Variants in NRXN1 observed in about 807,000 individuals in gnomAD.
NRXN1 encodes neurexin 1, also known as neurexin-1.
NRXN1 carries 39 observed loss-of-function variants against 150.9 expected under a neutral mutation model. The observed-to-expected ratio is 0.26, with a 90% CI of 0.20 to 0.34. NRXN1 has a LOEUF of 0.34. Among genes scored for constraint, NRXN1 ranks in the 10% least tolerant of loss-of-function variants. The pLI is 1.00. For synonymous variants in NRXN1, 924 were observed against 757.0 expected (o/e 1.22, Z -3.62); for missense variants, 1,815 against 1,949.9 (o/e 0.93, Z 1.30).
chr2:50,933,926 C>G (rs17041116), intron 2 of NRXN1, among the ~76,000 whole-genome samples: 2,757 of 152,216 alleles, frequency 0.018, 89 homozygotes, highest in African/African-American at 0.064. Context: ...AGACGGTATA[C>G]TTAATTACTT....
intron 5 of NRXN1, among the ~76,000 whole-genome samples, chr2:50,722,696 G>C (rs921060435): frequency 1.3e-5 from 2 of 151,972 alleles, no homozygotes; most frequent in Non-Finnish European, 2.9e-5. Flanking sequence ...TTTGTAATTA[G>C]AAAAACATTC....
At chr2:50,128,713 G>A (rs1704984748) in intron 18 of NRXN1, among the ~76,000 whole-genome samples, 1 of 152,108 alleles carries the variant, frequency 6.6e-6, no homozygotes, top group Non-Finnish European at 1.5e-5. Flanking sequence ...GGGATGCGGT[G>A]GCTCAAGCCT....
intron 5 of NRXN1, chr2:50,631,308 G>A (rs2104400812): frequency 3.4e-6 from 1 of 293,648 alleles, no homozygotes; most frequent in East Asian, 1.4e-4. Flanking sequence ...GAAATAAATT[G>A]CCAAGCTTCT....
intron 21 of NRXN1, among the ~76,000 whole-genome samples, chr2:49,963,204 T>C (rs1490971121): frequency 6.6e-6 from 1 of 152,166 alleles, no homozygotes; most frequent in East Asian, 1.9e-4. Flanking sequence ...CCTTTTAACG[T>C]CACAGAATTC....
chr2:51,015,632 G>A (rs1668547529), intron 2 of NRXN1, among the ~76,000 whole-genome samples: 1 of 151,442 alleles, frequency 6.6e-6, no homozygotes, highest in Non-Finnish European at 1.5e-5. Flanking sequence ...TAGAGTCATA[G>A]AATAACAATG....
chr2:50,597,216 CT>C (rs1249826522), intron 8 of NRXN1, among the ~76,000 whole-genome samples: 1 of 152,050 alleles, frequency 6.6e-6, no homozygotes, highest in East Asian at 1.9e-4. Context: ...CTGTCTTAGG[CT>C]TTAGTTGGGT....
chr2:50,951,706 T>C (rs2104590265), intron 2 of NRXN1, among the ~76,000 whole-genome samples: 1 of 152,154 alleles, frequency 6.6e-6, no homozygotes, highest in East Asian at 1.9e-4. Context: ...TTCTTTTAGG[T>C]AAAAGCAGCT....
intron 17 of NRXN1, among the ~76,000 whole-genome samples, chr2:50,427,583 A>G (rs554646586): frequency 6.6e-6 from 1 of 152,310 alleles, no homozygotes; most frequent in East Asian, 1.9e-4. Context: ...TGTGACTGCT[A>G]TCTTCCTCTT....
intron 17 of NRXN1, among the ~76,000 whole-genome samples, chr2:50,326,420 A>G (rs1211442812): frequency 6.6e-6 from 1 of 152,250 alleles, no homozygotes. Flanking sequence ...AAAAGTAGAA[A>G]GTACTTTTTC....
chr2:50,757,654 C>T (rs914579089), intron 5 of NRXN1, among the ~76,000 whole-genome samples: 4 of 151,674 alleles, frequency 2.6e-5, no homozygotes, highest in African/African-American at 9.7e-5. Context: ...AATAGTAACA[C>T]TGAATTTAGA....
chr2:49,947,715 C>T, intron 21 of NRXN1, among the ~76,000 whole-genome samples: 1 of 151,544 alleles, frequency 6.6e-6, no homozygotes, highest in East Asian at 1.9e-4. Flanking sequence ...ATGATCTAAC[C>T]TGAAATGTTA....
intron 15 of NRXN1, among the ~76,000 whole-genome samples, chr2:50,478,525 C>A (rs1002798601): frequency 6.6e-6 from 1 of 152,138 alleles, no homozygotes. Flanking sequence ...AAACTCTCCG[C>A]TGAAGAGATG....
chr2:50,870,175 A>G (rs1408592484), intron 5 of NRXN1, among the ~76,000 whole-genome samples: 1 of 151,904 alleles, frequency 6.6e-6, no homozygotes, highest in African/African-American at 2.4e-5. Flanking sequence ...ATAAAAATAC[A>G]TTACTCTCCA....
At chr2:50,305,106 C>T (rs1017114787) in intron 17 of NRXN1, among the ~76,000 whole-genome samples, 5 of 151,548 alleles carry the variant, frequency 3.3e-5, no homozygotes, top group African/African-American at 9.7e-5. Flanking sequence ...TGGGATGGGG[C>T]GGAAAAGGTA....
intron 18 of NRXN1, among the ~76,000 whole-genome samples, chr2:50,126,218 C>A (rs1465114562): frequency 6.6e-6 from 1 of 152,048 alleles, no homozygotes; most frequent in Non-Finnish European, 1.5e-5. Context: ...GAACATTGCT[C>A]TTTCTGCTGC....
At chr2:50,769,510 C>G (rs1320770339) in intron 5 of NRXN1, among the ~76,000 whole-genome samples, 1 of 151,926 alleles carries the variant, frequency 6.6e-6, no homozygotes, top group African/African-American at 2.4e-5. Context: ...GAGATGGGAG[C>G]GAGAAATCAC....
intron 8 of NRXN1, among the ~76,000 whole-genome samples, chr2:50,597,912 G>C (rs565733595): frequency 2.0e-5 from 3 of 152,296 alleles, no homozygotes; most frequent in African/African-American, 7.2e-5. Context: ...GCTGAGGCAG[G>C]CCAATTACCT....
chr2:50,587,360 C>A (rs1441648355), intron 8 of NRXN1, among the ~76,000 whole-genome samples: 3 of 152,300 alleles, frequency 2.0e-5, no homozygotes, highest in African/African-American at 4.8e-5. Flanking sequence ...TGGTGTACAC[C>A]TGTGGTCCTA....
chr2:50,779,365 G>A (rs550578414), intron 5 of NRXN1, among the ~76,000 whole-genome samples: 1 of 152,186 alleles, frequency 6.6e-6, no homozygotes, highest in South Asian at 2.1e-4. Context: ...CTTTTTTATG[G>A]CTGCATAGTA....
Sources: allele counts gnomAD v4.1 joint callset (sites outside exome capture counted in the v4.1 genomes callset), GRCh38; gene constraint gnomAD v4.1.1; transcripts MANE v1.5; gene names NCBI Gene and HGNC (gene_info 2026-07-23, HGNC 2026-07-21).